Variants in RBFOX1 observed in about 807,000 individuals in gnomAD.
The protein encoded by RBFOX1 is RNA binding protein fox-1 homolog 1.
RBFOX1 carries 8 observed loss-of-function variants against 57.7 expected under a neutral mutation model. The observed-to-expected ratio is 0.14, with a 90% CI of 0.08 to 0.25. The LOEUF (loss-of-function observed/expected upper bound fraction) is 0.25. Ranked by LOEUF, RBFOX1 falls within the 10% of genes least tolerant of loss-of-function variation. RBFOX1 has a pLI of 1.00. For synonymous variants in RBFOX1, 326 were observed against 222.4 expected (o/e 1.47, Z -4.15); for missense variants, 611 against 548.5 (o/e 1.11, Z -1.14).
intron 3 of RBFOX1, among the ~76,000 whole-genome samples, chr16:6,905,488 G>A (rs1200635423): frequency 6.6e-6 from 1 of 151,762 alleles, no homozygotes; most frequent in African/African-American, 2.4e-5. Flanking sequence ...GGGAGGCATA[G>A]GTTGCAGTGA....
chr16:6,160,008 C>T (rs2096866523), intron 1 of RBFOX1, among the ~76,000 whole-genome samples: 1 of 152,136 alleles, frequency 6.6e-6, no homozygotes, highest in South Asian at 2.1e-4. Context: ...CACCACAGGT[C>T]AATAGAATAT....
At chr16:7,231,543 C>G (rs910535151) in intron 4 of RBFOX1, among the ~76,000 whole-genome samples, 2 of 152,094 alleles carry the variant, frequency 1.3e-5, no homozygotes, top group African/African-American at 2.4e-5. Flanking sequence ...AGTTAGATGC[C>G]TAAAGGAAAG....
At chr16:6,104,255 C>T (rs942168205) in intron 1 of RBFOX1, among the ~76,000 whole-genome samples, 1 of 152,002 alleles carries the variant, frequency 6.6e-6, no homozygotes, top group African/African-American at 2.4e-5. Context: ...ATTAATGGTT[C>T]CATTTAAAAT....
rs369983232 is a variant in RBFOX1 at position 6,059,720 on chromosome 16, A to G, written c.-127+39728A>G. The stretch of plus-strand genomic sequence containing the variant: ...ACTTTGTTTTACTTTTAGAAGCTGA[A>G]ACAGGGCCTCTACCATCTGTTTATC... On this transcript the variant is annotated intron_variant, in intron 1 of 15. Coordinates refer to ENST00000550418, the MANE Select transcript of RBFOX1 (RefSeq NM_018723.4). 1.3e-4 allele frequency among the ~76,000 whole-genome samples: 20 copies of G among 152,244 alleles called. No individual in the cohort carries two copies. The East Asian group carries it at 3.3e-3, about 25-fold the overall frequency.
chr16:6,603,789 C>A (rs184441363), intron 2 of RBFOX1, among the ~76,000 whole-genome samples: 1 of 152,130 alleles, frequency 6.6e-6, no homozygotes, highest in Non-Finnish European at 1.5e-5. Context: ...TCATTGGCTG[C>A]CTTTTTTATT....
intron 6 of RBFOX1, among the ~76,000 whole-genome samples, chr16:7,586,034 C>G (rs1052014852): frequency 1.3e-5 from 2 of 152,056 alleles, no homozygotes; most frequent in African/African-American, 4.8e-5. Context: ...AATTAAAATC[C>G]AGAATGCAGA....
At chr16:5,263,930 C>T (rs2062797366) in intron 1 of RBFOX1, among the ~76,000 whole-genome samples, 1 of 152,158 alleles carries the variant, frequency 6.6e-6, no homozygotes, top group Admixed American at 6.5e-5. Flanking sequence ...CTACCATATC[C>T]ATGTTGTGAT....
At chr16:6,780,027 A>T (rs868373123) in intron 3 of RBFOX1, among the ~76,000 whole-genome samples, 17 of 17,958 alleles carry the variant, frequency 9.5e-4, no homozygotes, top group African/African-American at 2.3e-3. Flanking sequence ...TTATATATTT[A>T]TATATATTTA....
chr16:5,280,104 G>A (rs1368536106), intron 1 of RBFOX1, among the ~76,000 whole-genome samples: 1 of 152,232 alleles, frequency 6.6e-6, no homozygotes, highest in Non-Finnish European at 1.5e-5. Context: ...ATGTTGAAGT[G>A]TTCCTTGTAT....
At chr16:6,858,858 G>C (rs1264702490) in intron 3 of RBFOX1, among the ~76,000 whole-genome samples, 6 of 151,812 alleles carry the variant, frequency 4.0e-5, no homozygotes, top group African/African-American at 7.3e-5. Context: ...GCAAAACTCA[G>C]ACTCGTAGCT....
chr16:5,763,852 T>G (rs2053675797), intron 3 of RBFOX1, among the ~76,000 whole-genome samples: 1 of 152,224 alleles, frequency 6.6e-6, no homozygotes, highest in Non-Finnish European at 1.5e-5. Flanking sequence ...GCTGGCTGTC[T>G]TAAGTAGCAA....
intron 4 of RBFOX1, among the ~76,000 whole-genome samples, chr16:7,086,079 G>A (rs116989049): frequency 0.011 from 1,629 of 152,252 alleles, 15 homozygotes; most frequent in Non-Finnish European, 0.016. Context: ...TTATGGCATG[G>A]CTTGGTGGTG....
chr16:6,283,217 C>T (rs574754712), intron 1 of RBFOX1, among the ~76,000 whole-genome samples: 28 of 152,234 alleles, frequency 1.8e-4, no homozygotes, highest in Middle Eastern at 3.4e-3. Context: ...TTCCCAGCTA[C>T]TTGGGAGGCT....
chr16:6,979,837 G>C (rs568328314), intron 3 of RBFOX1, among the ~76,000 whole-genome samples: 2 of 152,264 alleles, frequency 1.3e-5, no homozygotes, highest in South Asian at 4.2e-4. Flanking sequence ...ACTCAGGCTG[G>C]TGTTGGGCTC....
chr16:7,665,286 G>A (rs567306536), intron 13 of RBFOX1, among the ~76,000 whole-genome samples: 3 of 152,260 alleles, frequency 2.0e-5, no homozygotes, highest in African/African-American at 7.2e-5. Context: ...TCAAGTTCTC[G>A]ATATGTTCTT....
At chr16:7,572,078 G>A (rs1019917031) in intron 5 of RBFOX1, among the ~76,000 whole-genome samples, 13 of 152,184 alleles carry the variant, frequency 8.5e-5, no homozygotes, top group Non-Finnish European at 1.8e-4. Context: ...AGTGAACCAA[G>A]ATCGCACCAT....
intron 4 of RBFOX1, among the ~76,000 whole-genome samples, chr16:7,217,139 C>G (rs1366857999): frequency 6.7e-6 from 1 of 149,402 alleles, no homozygotes; most frequent in Non-Finnish European, 1.5e-5. Context: ...CAGTCTTGCT[C>G]TGTCGCTCAG....
At chr16:5,538,520 G>T (rs2044794967) in intron 2 of RBFOX1, among the ~76,000 whole-genome samples, 1 of 152,084 alleles carries the variant, frequency 6.6e-6, no homozygotes, top group African/African-American at 2.4e-5. Context: ...GGTTGGACAG[G>T]CAGTTGTGTT....
In RBFOX1 at chr16:7,077,100, T is replaced by A. The variant is rs144406639; in HGVS notation, c.27+25002T>A. ...GCACAGACTTCTCCTGATGCACTTA[T>A]AATTTTCTGCCCAGAAATCTCTTCA... On this transcript the variant is annotated intron_variant, in intron 4 of 15. Coordinates refer to ENST00000550418, the MANE Select transcript of RBFOX1 (RefSeq NM_018723.4). Among the ~76,000 whole-genome samples, 9 of 152,330 alleles carry A rather than the reference T, an allele frequency of 5.9e-5. No homozygotes were observed. The East Asian group carries it at 1.7e-3, about 29-fold the overall frequency.
Sources: gnomAD v4.1 joint callset for allele counts (sites outside exome capture counted in the v4.1 genomes callset) on GRCh38, gnomAD v4.1.1 for gene constraint, MANE v1.5 for transcripts, NCBI Gene and HGNC (gene_info 2026-07-23, HGNC 2026-07-21) for gene names.